Variants in FSTL4 observed in about 807,000 individuals in gnomAD.
The protein encoded by FSTL4 is follistatin like 4, also known as follistatin-related protein 4.
In FSTL4, 28 loss-of-function variants were observed where a neutral mutation model predicts 78.2. That is an observed-to-expected ratio of 0.36 (90% CI 0.27 to 0.49). The LOEUF is 0.49. FSTL4 is among the 20% of genes least tolerant of loss of function. The pLI is 0.98. For synonymous variants in FSTL4, 422 were observed against 440.5 expected (o/e 0.96, Z 0.53); for missense variants, 922 against 1,084.9 (o/e 0.85, Z 2.11).
At chr5:133,546,410 G>A (rs1759573176) in intron 3 of FSTL4, among the ~76,000 whole-genome samples, 1 of 151,208 alleles carries the variant, frequency 6.6e-6, no homozygotes, top group South Asian at 2.1e-4. Flanking sequence ...AGAGGCTGAG[G>A]TAGGAGAATT....
At chr5:133,201,743 C>T (rs1278383329) in intron 15 of FSTL4, among the ~76,000 whole-genome samples, 190 bp downstream of exon 15, 1 of 152,128 alleles carries the variant, frequency 6.6e-6, no homozygotes, top group Non-Finnish European at 1.5e-5. Flanking sequence ...AGTTATTGAC[C>T]CCAAGCAATG....
chr5:133,684,614 G>C, the FSTL4 span, among the ~76,000 whole-genome samples: 1 of 152,124 alleles, frequency 6.6e-6, no homozygotes, highest in African/African-American at 2.4e-5. Flanking sequence ...CTAATCCCTG[G>C]TCTTTCTGCC....
chr5:133,623,973 T>C, the FSTL4 span, among the ~76,000 whole-genome samples: 3 of 152,044 alleles, frequency 2.0e-5, no homozygotes, highest in African/African-American at 2.4e-5. Flanking sequence ...TTGGTGAGGA[T>C]ATGAATCACT....
chr5:133,709,411 T>G, the FSTL4 span, among the ~76,000 whole-genome samples: 1 of 152,270 alleles, frequency 6.6e-6, no homozygotes, highest in Non-Finnish European at 1.5e-5. Context: ...CTACAAGGAC[T>G]GGCTTCACTT....
chr5:133,342,265 G>A (rs1252471829), intron 4 of FSTL4, among the ~76,000 whole-genome samples: 2 of 152,170 alleles, frequency 1.3e-5, no homozygotes, highest in African/African-American at 4.8e-5. Flanking sequence ...GGTAGGAGGA[G>A]AAGCTGTGGG....
chr5:133,783,196 C>G, the FSTL4 span, among the ~76,000 whole-genome samples: 4 of 152,184 alleles, frequency 2.6e-5, no homozygotes, highest in Non-Finnish European at 5.9e-5. Flanking sequence ...TCTGTGGCTT[C>G]CCTCTTCCAA....
chr5:133,298,342 C>T (rs1051940684), intron 6 of FSTL4, among the ~76,000 whole-genome samples: 3 of 152,214 alleles, frequency 2.0e-5, no homozygotes, highest in African/African-American at 7.2e-5. Context: ...TACCTGTACA[C>T]CAGGTGCTGG....
chr5:133,449,305 G>A (rs1757333674), intron 3 of FSTL4, among the ~76,000 whole-genome samples: 1 of 152,186 alleles, frequency 6.6e-6, no homozygotes, highest in African/African-American at 2.4e-5. Context: ...CGCTGGGCCT[G>A]GTGCCTTGTT....
chr5:133,569,084 TG>T (rs1561472477), intron 2 of FSTL4, among the ~76,000 whole-genome samples: 1 of 152,180 alleles, frequency 6.6e-6, no homozygotes, highest in African/African-American at 2.4e-5. Flanking sequence ...GTATATTTGA[TG>T]GCAATTTAAA....
At chr5:133,319,309 T>G (rs1753990288) in intron 4 of FSTL4, among the ~76,000 whole-genome samples, 1 of 152,210 alleles carries the variant, frequency 6.6e-6, no homozygotes, top group African/African-American at 2.4e-5. Context: ...TCCCACCCCC[T>G]GCTAGGGCCC....
intron 2 of FSTL4, among the ~76,000 whole-genome samples, chr5:133,581,108 A>G (rs1393667018): frequency 6.6e-6 from 1 of 152,260 alleles, no homozygotes; most frequent in African/African-American, 2.4e-5. Flanking sequence ...TTGTACCACT[A>G]TAACACTTAT....
intron 6 of FSTL4, among the ~76,000 whole-genome samples, chr5:133,288,469 G>A (rs1016568637): frequency 3.3e-5 from 5 of 152,226 alleles, no homozygotes. Context: ...TGTTTGGAGC[G>A]ATGTTGCTGT....
At chr5:133,742,892 C>T in the FSTL4 span, among the ~76,000 whole-genome samples, 4 of 152,094 alleles carry the variant, frequency 2.6e-5, no homozygotes, top group East Asian at 1.9e-4. Context: ...TCAAAGTCCC[C>T]GGACTGCCTG....
chr5:133,457,598 T>C (rs1196887708), intron 3 of FSTL4, among the ~76,000 whole-genome samples: 1 of 152,218 alleles, frequency 6.6e-6, no homozygotes, highest in South Asian at 2.1e-4. Context: ...CCTCTTAGAA[T>C]TGTCAGTTTC....
the FSTL4 span, among the ~76,000 whole-genome samples, chr5:133,627,017 C>G: frequency 6.6e-6 from 1 of 151,934 alleles, no homozygotes; most frequent in African/African-American, 2.4e-5. Context: ...ATGTGTCTGT[C>G]CCTCCTTTCA....
intron 3 of FSTL4, among the ~76,000 whole-genome samples, chr5:133,408,290 C>T (rs2126977538): frequency 6.6e-6 from 1 of 152,246 alleles, no homozygotes; most frequent in Non-Finnish European, 1.5e-5. Flanking sequence ...ACCCAAATCC[C>T]TGCAGTAACC....
chr5:133,818,692 C>CACCAATT, the FSTL4 span, among the ~76,000 whole-genome samples: 25 of 151,362 alleles, frequency 1.7e-4, no homozygotes, highest in African/African-American at 6.1e-4. Context: ...AAGCACTTTC[C>CACCAATT]ACCAATTTCA....
At chr5:133,510,460 G>A (rs777643897) in intron 3 of FSTL4, among the ~76,000 whole-genome samples, 5 of 152,130 alleles carry the variant, frequency 3.3e-5, no homozygotes, top group Non-Finnish European at 5.9e-5. Context: ...TGTCCAGGTG[G>A]TACCTTCCTG....
intron 8 of FSTL4, 52 bp downstream of exon 8, chr5:133,233,365 A>C (rs1751553708): frequency 1.2e-6 from 2 of 1,605,284 alleles, no homozygotes; most frequent in Non-Finnish European, 8.5e-7. Context: ...TGATCTGAGC[A>C]GCAGTTTGGG....
Sources: allele counts gnomAD v4.1 joint callset (sites outside exome capture counted in the v4.1 genomes callset), GRCh38; gene constraint gnomAD v4.1.1; transcripts MANE v1.5; gene names NCBI Gene and HGNC (gene_info 2026-07-23, HGNC 2026-07-21).